TNFSF4: variants seen among roughly 807,000 people sequenced by gnomAD.
The protein encoded by TNFSF4 is tumor necrosis factor ligand superfamily member 4.
In TNFSF4, 4 loss-of-function variants were observed where a neutral mutation model predicts 7.3. The ratio of observed to expected loss-of-function variants is 0.55; its 90% CI spans 0.27 to 1.25. The LOEUF is 1.25. Ranked by LOEUF, TNFSF4 falls within the 50% of genes most tolerant of loss-of-function variation. The probability of loss-of-function intolerance (pLI) is 0.12; values close to 1 mark genes in which losing one functional copy is unlikely to be tolerated. For missense variants in TNFSF4, 181 were observed against 208.8 expected (o/e 0.87, Z 0.82); for synonymous variants, 76 against 83.7 (o/e 0.91, Z 0.50).
the TNFSF4 span, among the ~76,000 whole-genome samples, chr1:173,365,781 T>G: frequency 2.0e-5 from 3 of 152,200 alleles, no homozygotes; most frequent in Non-Finnish European, 4.4e-5. Context: ...AACTGGGTTT[T>G]GGGTAAAATA....
chr1:173,251,603 G>A, the TNFSF4 span, among the ~76,000 whole-genome samples: 55 of 152,320 alleles, frequency 3.6e-4, no homozygotes, highest in African/African-American at 1.2e-3. Flanking sequence ...TCTAGCCCTT[G>A]CAGCTGTGTG....
the TNFSF4 span, among the ~76,000 whole-genome samples, chr1:173,385,131 T>C: frequency 1.3e-5 from 2 of 152,220 alleles, no homozygotes; most frequent in Non-Finnish European, 2.9e-5. Context: ...AAATAGGAAG[T>C]AAGACAATGA....
At chr1:173,385,080 G>C in the TNFSF4 span, among the ~76,000 whole-genome samples, 3 of 152,048 alleles carry the variant, frequency 2.0e-5, no homozygotes, top group African/African-American at 7.2e-5. Flanking sequence ...TGACTCTGTG[G>C]GTAAAATGAT....
Position 173,186,556 on chromosome 1 carries a change from A to G in TNFSF4, c.512T>C (p.Ile171Thr). Residue 171 changes from isoleucine (I) to threonine (T), a missense_variant, in exon 3 of 3, where the codon ATT becomes ACT. Transcript: ENST00000281834. ...TTCACCAGGATTTTGATGGATAAGA[A>G]TCAGTTCTCCGCCATTCACATGGAA... Reference protein sequence around the residue: ...DDFHVNGGELILIHQNPGEFC... With the variant: ...DDFHVNGGELTLIHQNPGEFC... 6.2e-7 allele frequency: 1 copy of G among 1,614,028 alleles called. No individual in the cohort carries two copies. Among genetic ancestry groups the G allele is most frequent in the Non-Finnish European group, 8.5e-7 (1 of 1,179,930 alleles).
At chr1:173,303,634 T>G in the TNFSF4 span, among the ~76,000 whole-genome samples, 210 of 144,402 alleles carry the variant, frequency 1.5e-3, no homozygotes, top group African/African-American at 4.9e-3. Context: ...TTTTTATACG[T>G]TTTTTAATTC....
chr1:173,421,491 AATT>A, the TNFSF4 span, among the ~76,000 whole-genome samples: 1 of 152,076 alleles, frequency 6.6e-6, no homozygotes, highest in Non-Finnish European at 1.5e-5. Flanking sequence ...TTGTCTAGGG[AATT>A]ATTCTCATCT....
chr1:173,232,141 C>T, the TNFSF4 span, among the ~76,000 whole-genome samples: 24 of 152,220 alleles, frequency 1.6e-4, no homozygotes, highest in African/African-American at 5.8e-4. Context: ...TCTTTTACTT[C>T]GTTGAGCAGT....
the TNFSF4 span, among the ~76,000 whole-genome samples, chr1:173,443,310 A>C: frequency 6.6e-6 from 1 of 152,192 alleles, no homozygotes; most frequent in Non-Finnish European, 1.5e-5. Context: ...TAATAAAATG[A>C]ACTGCTAATA....
the TNFSF4 span, among the ~76,000 whole-genome samples, chr1:173,356,643 A>G: frequency 0.96 from 145,742 of 152,284 alleles, 70,068 homozygotes; most frequent in East Asian, 1. Flanking sequence ...CTTCTTTCAC[A>G]ATCCAAGCTA....
chr1:173,289,376 A>G, the TNFSF4 span, among the ~76,000 whole-genome samples: 3 of 152,174 alleles, frequency 2.0e-5, no homozygotes, highest in African/African-American at 7.2e-5. Flanking sequence ...AATTTCCCAA[A>G]GCTTAAAAAC....
chr1:173,431,211 A>T, the TNFSF4 span, among the ~76,000 whole-genome samples: 1 of 152,358 alleles, frequency 6.6e-6, no homozygotes, highest in Admixed American at 6.5e-5. Context: ...TTTGCATTCT[A>T]AATATTTTCC....
At chr1:173,402,798 C>T in the TNFSF4 span, among the ~76,000 whole-genome samples, 1 of 152,142 alleles carries the variant, frequency 6.6e-6, no homozygotes, top group Non-Finnish European at 1.5e-5. Flanking sequence ...GGCTCCTGAG[C>T]CTCATACCCA....
chr1:173,434,502 T>A, the TNFSF4 span, among the ~76,000 whole-genome samples: 65 of 152,338 alleles, frequency 4.3e-4, 2 homozygotes, highest in East Asian at 4.8e-3. Context: ...CAGTGAGGCA[T>A]AGCATTGGAG....
At chr1:173,374,750 G>C in the TNFSF4 span, among the ~76,000 whole-genome samples, 1 of 152,108 alleles carries the variant, frequency 6.6e-6, no homozygotes, top group Admixed American at 6.5e-5. Flanking sequence ...CTTTGCAGTA[G>C]GACTATATAC....
chr1:173,380,007 G>A, the TNFSF4 span, among the ~76,000 whole-genome samples: 203 of 152,328 alleles, frequency 1.3e-3, 2 homozygotes, highest in African/African-American at 4.6e-3. Context: ...GACTCACTGA[G>A]CGCCGGGTAC....
chr1:173,239,445 C>T, the TNFSF4 span, among the ~76,000 whole-genome samples: 2 of 152,142 alleles, frequency 1.3e-5, no homozygotes, highest in Non-Finnish European at 2.9e-5. Context: ...ATCATCTGTC[C>T]ACCCATAGTG....
At chr1:173,236,416 CAAAAAAA>C in the TNFSF4 span, among the ~76,000 whole-genome samples, 38 of 110,102 alleles carry the variant, frequency 3.5e-4, no homozygotes, top group Non-Finnish European at 5.9e-4. Context: ...CCAGTTATTT[CAAAAAAA>C]AAAAAAAAAC....
the TNFSF4 span, among the ~76,000 whole-genome samples, chr1:173,425,762 G>A: frequency 6.6e-6 from 1 of 152,334 alleles, no homozygotes; most frequent in African/African-American, 2.4e-5. Flanking sequence ...CTATGAACTA[G>A]AGCGAGGAGG....
chr1:173,326,670 C>T, the TNFSF4 span, among the ~76,000 whole-genome samples: 2 of 152,218 alleles, frequency 1.3e-5, no homozygotes, highest in South Asian at 4.2e-4. Flanking sequence ...TCAGCAAAGT[C>T]TCAGGATACA....
Sources: gnomAD v4.1 joint callset for allele counts (sites outside exome capture counted in the v4.1 genomes callset) on GRCh38, gnomAD v4.1.1 for gene constraint, MANE v1.5 for transcripts, NCBI Gene and HGNC (gene_info 2026-07-23, HGNC 2026-07-21) for gene names.